PPM1B: variants seen among roughly 807,000 people sequenced by gnomAD.
The protein encoded by PPM1B is protein phosphatase, Mg2+/Mn2+ dependent 1B.
PPM1B carries 22 observed loss-of-function variants against 43.0 expected under a neutral mutation model. The ratio of observed to expected loss-of-function variants is 0.51; its 90% confidence interval spans 0.37 to 0.73. PPM1B has a LOEUF of 0.73. Ranked by LOEUF, PPM1B falls within the 30% of genes least tolerant of loss-of-function variation. PPM1B has a pLI of 0.00. For missense variants in PPM1B, 632 were observed against 584.2 expected, an observed-to-expected ratio of 1.08 and a Z score of -0.84; for synonymous variants, 217 against 197.9, an observed-to-expected ratio of 1.10 and a Z score of -0.81.
chr2:44,190,696 T>A (rs1668368036), intron 1 of PPM1B, among the ~76,000 whole-genome samples: 1 of 152,240 alleles, frequency 6.6e-6, no homozygotes, highest in Non-Finnish European at 1.5e-5. Flanking sequence ...GAAGTGACAT[T>A]TATTTTGGCT....
intron 1 of PPM1B, among the ~76,000 whole-genome samples, chr2:44,199,251 C>A (rs1668807573): frequency 7.4e-6 from 1 of 134,670 alleles, no homozygotes; most frequent in Non-Finnish European, 1.5e-5. Context: ...AAGCGAGATT[C>A]CATCTCAAAA....
intron 3 of PPM1B, among the ~76,000 whole-genome samples, chr2:44,211,742 C>CTTTT (rs55716263): frequency 7.6e-4 from 60 of 78,624 alleles, no homozygotes; most frequent in Non-Finnish European, 1.0e-3. Context: ...CTGATTCTGT[C>CTTTT]TTTTTTTTTT....
chr2:44,192,190 GGTATTGTATTGTATTGTATT>G (rs147906873), intron 1 of PPM1B, among the ~76,000 whole-genome samples: 25 of 143,642 alleles, frequency 1.7e-4, no homozygotes, highest in African/African-American at 6.1e-4. Context: ...GTTATGTTAT[GGTATTGTATTGTATTGTATT>G]GTATTGTATT....
At chr2:44,174,251 C>T (rs1198163143) in intron 1 of PPM1B, among the ~76,000 whole-genome samples, 1 of 152,136 alleles carries the variant, frequency 6.6e-6, no homozygotes, top group Non-Finnish European at 1.5e-5. Context: ...AAACATAACA[C>T]TTCTTGGAAA....
intron 1 of PPM1B, among the ~76,000 whole-genome samples, chr2:44,194,898 C>CT (rs796213050): frequency 0.18 from 22,640 of 123,236 alleles, 2,555 homozygotes; most frequent in African/African-American, 0.22. Flanking sequence ...CAGTCTTTTG[C>CT]TTTTTTTTTT....
chr2:44,225,581 G>A (rs1670171163), intron 5 of PPM1B, among the ~76,000 whole-genome samples: 1 of 152,178 alleles, frequency 6.6e-6, no homozygotes, highest in African/African-American at 2.4e-5. Flanking sequence ...TCTCAATTTA[G>A]TGATTCTGTA....
At chr2:44,228,575 A>G (rs541987459) in intron 5 of PPM1B, among the ~76,000 whole-genome samples, 2 of 152,350 alleles carry the variant, frequency 1.3e-5, no homozygotes, top group African/African-American at 4.8e-5. Context: ...TTGTTGCAAA[A>G]GTATATGTAA....
chr2:44,191,913 G>C (rs1012056846), intron 1 of PPM1B, among the ~76,000 whole-genome samples: 3 of 151,986 alleles, frequency 2.0e-5, no homozygotes, highest in Non-Finnish European at 4.4e-5. Flanking sequence ...CTGTATGTGT[G>C]TGTGGTTGGT....
downstream of PPM1B, chr2:44,244,385 G>A (rs1267995483): frequency 7.4e-7 from 1 of 1,343,410 alleles, no homozygotes; most frequent in South Asian, 1.2e-5. Context: ...TATAATTATA[G>A]TATTTGTACT....
intron 2 of PPM1B, among the ~76,000 whole-genome samples, chr2:44,205,862 A>G (rs796185345): frequency 1.3e-4 from 20 of 152,308 alleles, no homozygotes; most frequent in African/African-American, 3.8e-4. Flanking sequence ...ACATCATTCT[A>G]TATTAATTTA....
At chr2:44,184,748 A>T (rs1668043301) in intron 1 of PPM1B, among the ~76,000 whole-genome samples, 1 of 152,080 alleles carries the variant, frequency 6.6e-6, no homozygotes, top group Admixed American at 6.6e-5. Flanking sequence ...AGACCCACAT[A>T]GGGATCTATC....
chr2:44,188,755 CTTCCTTCT>C (rs1191522749), intron 1 of PPM1B, among the ~76,000 whole-genome samples: 7 of 148,044 alleles, frequency 4.7e-5, no homozygotes, highest in South Asian at 2.2e-4. Context: ...TCCTTCCTTC[CTTCCTTCT>C]TTCCTTCCTT....
chr2:44,245,165 CTT>C (rs935063212), downstream of PPM1B, among the ~76,000 whole-genome samples: 29 of 152,134 alleles, frequency 1.9e-4, no homozygotes, highest in African/African-American at 7.0e-4. Flanking sequence ...AAAGCAAACT[CTT>C]TGAATGATTT....
chr2:44,199,994 C>T (rs570569004), intron 1 of PPM1B, among the ~76,000 whole-genome samples: 1 of 152,014 alleles, frequency 6.6e-6, no homozygotes, highest in African/African-American at 2.4e-5. Context: ...TTGATCTAGA[C>T]CAGTGTCTCT....
At chr2:44,213,171 C>T (rs1669563021) in intron 3 of PPM1B, among the ~76,000 whole-genome samples, 1 of 141,306 alleles carries the variant, frequency 7.1e-6, no homozygotes, top group South Asian at 2.3e-4. Context: ...CTTAATATAA[C>T]CTTTTGGTTT....
At chr2:44,179,136 G>A (rs1667734958) in intron 1 of PPM1B, among the ~76,000 whole-genome samples, 1 of 151,586 alleles carries the variant, frequency 6.6e-6, no homozygotes, top group African/African-American at 2.4e-5. Context: ...ATAATGGAGA[G>A]CTTCCCTACA....
intron 1 of PPM1B, among the ~76,000 whole-genome samples, chr2:44,194,391 G>T (rs765136370): frequency 2.0e-5 from 3 of 152,184 alleles, no homozygotes; most frequent in Non-Finnish European, 4.4e-5. Flanking sequence ...TAGAGCTGTT[G>T]CCTGCTTGTG....
At chr2:44,172,398 T>C (rs1667389422) in intron 1 of PPM1B, among the ~76,000 whole-genome samples, 1 of 152,228 alleles carries the variant, frequency 6.6e-6, no homozygotes, top group Non-Finnish European at 1.5e-5. Flanking sequence ...TATTTAATTT[T>C]TGTAGTTTGT....
At chr2:44,182,772 C>G (rs1358884100) in intron 1 of PPM1B, among the ~76,000 whole-genome samples, 1 of 151,852 alleles carries the variant, frequency 6.6e-6, no homozygotes, top group Non-Finnish European at 1.5e-5. Context: ...CTTATAATTA[C>G]TTTGTGTAGA....
Sources: gnomAD v4.1 joint callset for allele counts (sites outside exome capture counted in the v4.1 genomes callset) on GRCh38, gnomAD v4.1.1 for gene constraint, MANE v1.5 for transcripts, NCBI Gene and HGNC (gene_info 2026-07-23, HGNC 2026-07-21) for gene names.